Variants in SAFB observed in about 807,000 individuals in gnomAD.
The protein encoded by SAFB is scaffold attachment factor B, also known as scaffold attachment factor B1.
Under a neutral mutation model 101.6 loss-of-function variants are expected in SAFB, and 15 were observed. The observed-to-expected ratio is 0.15, with a 90% confidence interval of 0.10 to 0.23. SAFB has a LOEUF of 0.23. Among genes scored for constraint, SAFB ranks in the 10% least tolerant of loss-of-function variants. SAFB has a pLI of 1.00. For synonymous variants in SAFB, 449 were observed against 407.5 expected (o/e 1.10, Z -1.23); for missense variants, 930 against 1,104.1 (o/e 0.84, Z 2.23).
Position 5,668,263 on chromosome 19 carries a change from G to A in SAFB, c.2726G>A (p.Ser909Asn), listed in dbSNP as rs2054383512. The A allele has an allele frequency of 6.2e-7, 1 of 1,612,116 alleles. No homozygotes were observed. The highest frequency in any genetic ancestry group is 8.5e-7 in the Non-Finnish European group (1 of 1,179,622). Reference sequence around the variant, plus strand: ...GGCCAGAGCCGGGGGAGCAGGCCCAGCGATGCCCGCTTCACTCGCCGCTAC... The same window carrying A: ...GGCCAGAGCCGGGGGAGCAGGCCCAACGATGCCCGCTTCACTCGCCGCTAC... Reference protein sequence around the residue: ...FGGQSRGSRPSDARFTRRY With the variant: ...FGGQSRGSRPNDARFTRRY Residue 909 changes from serine (S) to asparagine (N), a missense_variant, in exon 21 of 21, where the codon AGC becomes AAC. By Grantham distance (46) the Ser-to-Asn change is conservative. Transcript: ENST00000588852.
At chr19:5,628,621 A>G (rs2053420730) in intron 2 of SAFB, among the ~76,000 whole-genome samples, 1 of 152,182 alleles carries the variant, frequency 6.6e-6, no homozygotes. Flanking sequence ...TCAGGGCCCA[A>G]AACTAAATGA....
At chr19:5,628,438 T>C (rs1235829564) in intron 2 of SAFB, among the ~76,000 whole-genome samples, 2 of 152,204 alleles carry the variant, frequency 1.3e-5, no homozygotes, top group Non-Finnish European at 2.9e-5. Context: ...ATTTGTTTCT[T>C]ATACACCTGA....
At position 5,638,526 on chromosome 19, in the gene SAFB, T is replaced by A. The variant is rs2053639532; in HGVS notation, c.275-3068T>A. The stretch of plus-strand genomic sequence containing the variant: ...TTAGTAGAGCTGGGGTTTCACCATG[T>A]TGGCCAGGCTGGTCTCAAACTCCTG... On this transcript the variant is annotated intron_variant, in intron 2 of 20. Coordinates refer to ENST00000588852, the MANE Select transcript of SAFB (RefSeq NM_001201338.2). Among the ~76,000 whole-genome samples the A allele has an allele frequency of 2.6e-5, 4 of 152,026 alleles. No individual in the cohort carries two copies. In the South Asian group the frequency reaches 8.3e-4, roughly 32 times the overall value.
rs538498596 is a variant in SAFB, at chr19:5,623,507, A to G, written c.189+113A>G. On this transcript the variant is annotated intron_variant, in intron 1 of 20. Coordinates refer to ENST00000588852, the MANE Select transcript of SAFB (RefSeq NM_001201338.2). Reference sequence around the variant, plus strand: ...CCGGCCGCGTTCGCGGCCTCGCCGGACCTGGCGCTCTCGCGTCCCCCGGCT... The same window carrying G: ...CCGGCCGCGTTCGCGGCCTCGCCGGGCCTGGCGCTCTCGCGTCCCCCGGCT... 3.4e-5 allele frequency: 29 copies of G among 855,314 alleles called. No homozygotes were observed. In the African/African-American group the frequency reaches 4.7e-4, roughly 14 times the overall value. The allele number at this position is 855,314 out of a possible 1,614,324, so 53.0% of individuals were successfully genotyped here. A position where few individuals can be genotyped will look rare whatever the true frequency, so the allele number is the denominator to read the frequency against.
intron 20 of SAFB, 99 bp from the exon 21 acceptor site, chr19:5,668,063 G>T: frequency 6.6e-7 from 1 of 1,514,152 alleles, no homozygotes. Flanking sequence ...ATTAGGAAGG[G>T]GCCCTGCCTG....
At chr19:5,659,887 G>T (rs910376493) in intron 14 of SAFB, among the ~76,000 whole-genome samples, 9 of 152,168 alleles carry the variant, frequency 5.9e-5, no homozygotes, top group Admixed American at 1.3e-4. Context: ...GAACAAGGAA[G>T]TGTGGGCTTG....
rs543222045 is a variant in SAFB, at chr19:5,640,884, G to A, written c.275-710G>A. 2.6e-5 allele frequency among the ~76,000 whole-genome samples: 4 copies of A among 151,386 alleles called. No homozygotes were observed. The South Asian group carries it at 8.4e-4, about 32-fold the overall frequency. On this transcript the variant is annotated intron_variant, in intron 2 of 20. Coordinates refer to ENST00000588852, the MANE Select transcript of SAFB (RefSeq NM_001201338.2). The stretch of plus-strand genomic sequence containing the variant: ...GGACTTAACAGGCATGAGCCACCGT[G>A]CCCAGCCCCTCTGGAGTATCTTGAT...
rs1238601246 is a variant in SAFB, at chr19:5,635,269, GC to G, written c.275-6324del. Among the ~76,000 whole-genome samples the G allele has an allele frequency of 4.6e-5, 7 of 152,248 alleles. No homozygotes were observed. In the East Asian group the frequency reaches 1.3e-3, roughly 29 times the overall value. The stretch of plus-strand genomic sequence containing the variant: ...GCAGCTAACGTGGGGAACTGCCGTA[GC>G]ATGGAGTCAAAGATGGAGGTGGATC... On this transcript the variant is annotated intron_variant, in intron 2 of 20. Transcript: ENST00000588852.
At chr19:5,656,262 A>AT (rs2054056988) in intron 13 of SAFB, among the ~76,000 whole-genome samples, 1 of 151,668 alleles carries the variant, frequency 6.6e-6, no homozygotes, top group Admixed American at 6.6e-5. Context: ...TTATTTTATT[A>AT]TTTATTTTTT....
At chr19:5,624,350 C>T (rs918874899) in intron 1 of SAFB, among the ~76,000 whole-genome samples, 4 of 151,888 alleles carry the variant, frequency 2.6e-5, no homozygotes, top group Non-Finnish European at 4.4e-5. Flanking sequence ...TGTGTGGTTG[C>T]CATCACGATT....
At chr19:5,651,402 G>C (rs1412557302) in intron 9 of SAFB, among the ~76,000 whole-genome samples, 2 of 152,214 alleles carry the variant, frequency 1.3e-5, no homozygotes. Context: ...GCATGTCTGG[G>C]AGACAGCAGT....
In SAFB at chr19:5,626,476, G is replaced by C; in HGVS notation, c.261G>C (p.Lys87Asn). Residue 87 changes from lysine to asparagine, a missense_variant, in exon 2 of 21, where the codon AAG (lysine) becomes AAC (asparagine). Lys to Asn is a moderately conservative substitution (Grantham distance 94). Around this residue, in one of 7 missense-constraint regions of SAFB, gnomAD observed 119 missense variants for 171.4 expected, o/e 0.69. Transcript: ENST00000588852. ...CCGAGGGAAACAAGAAAACATCAAAGAGGTCTAGCAAAGGTATGGAGGATT... is the reference window on the plus strand; with the variant it reads ...CCGAGGGAAACAAGAAAACATCAAACAGGTCTAGCAAAGGTATGGAGGATT... ...ITSEGNKKTS[K>N]RSSKGRKPEE... 6.3e-7 allele frequency: 1 copy of C among 1,599,900 alleles called. No homozygotes were observed. Among genetic ancestry groups the C allele is most frequent in the Non-Finnish European group, 8.6e-7 (1 of 1,167,092 alleles).
At chr19:5,652,015 G>A (rs2053950183) in intron 9 of SAFB, among the ~76,000 whole-genome samples, 1 of 152,146 alleles carries the variant, frequency 6.6e-6, no homozygotes, top group African/African-American at 2.4e-5. Flanking sequence ...CCAGTATGGT[G>A]AAGCCTGTCT....
intron 7 of SAFB, 198 bp from the exon 8 acceptor site, chr19:5,649,728 T>C: frequency 1.2e-6 from 1 of 819,786 alleles, no homozygotes; most frequent in Admixed American, 2.9e-5. Flanking sequence ...TAATTACCTT[T>C]AGCCCAGCAG....
In SAFB at chr19:5,661,595, T is replaced by G; in HGVS notation, c.1940T>G (p.Ile647Ser). ...WEREERERLEIARERLAFQRQ... is the reference protein window; with the variant it reads ...WEREERERLESARERLAFQRQ... ...CGCGAGGAGCGTGAGCGGCTGGAGATTGCCCGAGAGAGGCTGGCCTTCCAG... is the reference window on the plus strand; with the variant it reads ...CGCGAGGAGCGTGAGCGGCTGGAGAGTGCCCGAGAGAGGCTGGCCTTCCAG... Residue 647 changes from isoleucine to serine, a missense_variant, in exon 15 of 21, where the codon ATT (isoleucine) becomes AGT (serine). Around this residue, in one of 7 missense-constraint regions of SAFB, gnomAD observed 159 missense variants for 234.1 expected, o/e 0.68. Transcript: ENST00000588852. 2 of 1,612,664 alleles carry G rather than the reference T, an allele frequency of 1.2e-6. No homozygotes were observed. Among genetic ancestry groups the G allele is most frequent in the Non-Finnish European group, 1.7e-6 (2 of 1,179,830 alleles).
chr19:5,657,370 T>G, intron 14 of SAFB, 23 bp downstream of exon 14: 443 of 1,508,454 alleles, frequency 2.9e-4, no homozygotes, highest in Non-Finnish European at 3.7e-4. Context: ...CCAGGAACGG[T>G]TTGGTGTTTT....
intron 2 of SAFB, among the ~76,000 whole-genome samples, chr19:5,633,648 G>A (rs938724815): frequency 2.6e-5 from 4 of 152,074 alleles, no homozygotes; most frequent in East Asian, 3.9e-4. Context: ...GCGTGGTGGC[G>A]GGCGCCTGTA....
At chr19:5,654,518 C>T (rs900026601) in intron 13 of SAFB, 62 bp downstream of exon 13, 14 of 973,264 alleles carry the variant, frequency 1.4e-5, no homozygotes, top group Admixed American at 1.1e-4. Flanking sequence ...TTTCTGTGTG[C>T]GTCTTAGGGA....
At chr19:5,632,000 T>C (rs923888038) in intron 2 of SAFB, among the ~76,000 whole-genome samples, 1 of 152,136 alleles carries the variant, frequency 6.6e-6, no homozygotes, top group African/African-American at 2.4e-5. Flanking sequence ...TGAACCATGA[T>C]TGGGCTGTGA....
Sources: gnomAD v4.1 joint callset for allele counts (sites outside exome capture counted in the v4.1 genomes callset) on GRCh38, gnomAD v4.1.1 for gene constraint, gnomAD v4.1.1 regional missense constraint, MANE v1.5 for transcripts, NCBI Gene and HGNC (gene_info 2026-07-23, HGNC 2026-07-21) for gene names.